Variants in SNX8 observed in about 807,000 individuals in gnomAD.
The protein encoded by SNX8 is sorting nexin-8.
In SNX8, 25 loss-of-function variants were observed where a neutral mutation model predicts 51.6. The ratio of observed to expected loss-of-function variants is 0.48; its 90% CI spans 0.35 to 0.68. SNX8 has a LOEUF of 0.68. SNX8 is among the 30% of genes least tolerant of loss of function. The pLI, the probability that SNX8 is intolerant of heterozygous loss-of-function variation, is 0.00. For synonymous variants in SNX8, 324 were observed against 277.0 expected, an observed-to-expected ratio of 1.17 and a Z score of -1.68; for missense variants, 695 against 624.0, an observed-to-expected ratio of 1.11 and a Z score of -1.21.
chr7:2,285,832 C>T (rs1796014142), intron 1 of SNX8, among the ~76,000 whole-genome samples: 1 of 151,820 alleles, frequency 6.6e-6, no homozygotes, highest in Admixed American at 6.6e-5. Flanking sequence ...TGTGCACCAC[C>T]ATGCCCAGCT....
chr7:2,334,318 A>C (rs1043804423), intron 1 of SNX8, among the ~76,000 whole-genome samples: 62 of 151,772 alleles, frequency 4.1e-4, no homozygotes, highest in African/African-American at 1.5e-3. Context: ...CAGGAGAATC[A>C]CTTGAACCCG....
chr7:2,320,396 A>G (rs996821163), intron 1 of SNX8, among the ~76,000 whole-genome samples: 1 of 152,068 alleles, frequency 6.6e-6, no homozygotes, highest in African/African-American at 2.4e-5. Flanking sequence ...TCCTGTGAAC[A>G]TTTCCAGAGT....
intron 1 of SNX8, among the ~76,000 whole-genome samples, chr7:2,327,865 CTTTT>C (rs200030875): frequency 6.7e-6 from 1 of 150,022 alleles, no homozygotes; most frequent in Non-Finnish European, 1.5e-5. Flanking sequence ...TTCTTATTTC[CTTTT>C]TTTTTCTTTT....
At chr7:2,327,014 G>C (rs1410605309) in intron 1 of SNX8, among the ~76,000 whole-genome samples, 1 of 152,094 alleles carries the variant, frequency 6.6e-6, no homozygotes, top group African/African-American at 2.4e-5. Context: ...GAAACATATT[G>C]TCTCAGAGTG....
chr7:2,313,799 C>T (rs1456301514), intron 1 of SNX8, among the ~76,000 whole-genome samples: 2 of 152,206 alleles, frequency 1.3e-5, no homozygotes, highest in Non-Finnish European at 2.9e-5. Context: ...AGAAAAGCAG[C>T]TACACATCTA....
At chr7:2,266,836 AAAG>A (rs1326361307) in intron 5 of SNX8, among the ~76,000 whole-genome samples, 2 of 152,226 alleles carry the variant, frequency 1.3e-5, no homozygotes, top group Non-Finnish European at 2.9e-5. Flanking sequence ...AGAGGTTTAA[AAAG>A]AAAAAACCAA....
At chr7:2,300,811 T>C (rs2115183912) in intron 1 of SNX8, among the ~76,000 whole-genome samples, 1 of 152,090 alleles carries the variant, frequency 6.6e-6, no homozygotes, top group South Asian at 2.1e-4. Context: ...CCCAGCTAAT[T>C]TTTGTATTTT....
At chr7:2,333,088 A>T (rs1778768950) in intron 1 of SNX8, among the ~76,000 whole-genome samples, 1 of 148,484 alleles carries the variant, frequency 6.7e-6, no homozygotes, top group African/African-American at 2.5e-5. Context: ...TTTTAAATTT[A>T]AAAAAATAGA....
chr7:2,351,580 C>T (rs1415292110), intron 1 of SNX8, among the ~76,000 whole-genome samples: 1 of 150,622 alleles, frequency 6.6e-6, no homozygotes, highest in Non-Finnish European at 1.5e-5. Flanking sequence ...CGCCTGTAAT[C>T]CCAGCACTTC....
chr7:2,268,537 C>T (rs1198683668), intron 5 of SNX8, among the ~76,000 whole-genome samples: 471 of 143,710 alleles, frequency 3.3e-3, no homozygotes, highest in African/African-American at 0.012. Flanking sequence ...CCGTGCCATC[C>T]GGGAGGGAGG....
intron 1 of SNX8, among the ~76,000 whole-genome samples, chr7:2,307,202 T>C (rs1463885116): frequency 6.6e-6 from 1 of 151,908 alleles, no homozygotes; most frequent in East Asian, 1.9e-4. Context: ...CCCTACCTGA[T>C]ATTTTAATGC....
intron 1 of SNX8, among the ~76,000 whole-genome samples, chr7:2,312,465 T>C (rs1350057784): frequency 1.3e-5 from 2 of 152,152 alleles, no homozygotes; most frequent in African/African-American, 2.4e-5. Flanking sequence ...CTCCAACATG[T>C]GACTTCATGG....
chr7:2,350,912 G>T (rs1779123975), intron 1 of SNX8, among the ~76,000 whole-genome samples: 2 of 152,260 alleles, frequency 1.3e-5, no homozygotes, highest in South Asian at 4.2e-4. Context: ...CTCCCAAAGT[G>T]CTGGGATTAC....
intron 1 of SNX8, among the ~76,000 whole-genome samples, chr7:2,290,377 G>A (rs978383827): frequency 6.6e-6 from 1 of 151,906 alleles, no homozygotes; most frequent in Non-Finnish European, 1.5e-5. Flanking sequence ...GGTGATGCAT[G>A]CCTGTAATTC....
chr7:2,330,655 C>T (rs1292498481), intron 1 of SNX8, among the ~76,000 whole-genome samples: 2 of 152,070 alleles, frequency 1.3e-5, no homozygotes, highest in Non-Finnish European at 2.9e-5. Flanking sequence ...CCAGCTCTAT[C>T]TCCAGGCAGA....
chr7:2,264,566 C>T (rs1795420999), intron 5 of SNX8, 108 bp from the exon 6 acceptor site: 2 of 1,032,180 alleles, frequency 1.9e-6, no homozygotes, highest in South Asian at 1.6e-5. Context: ...ACAGCAGGTC[C>T]ATGAGCCACC....
Position 2,256,881 on chromosome 7 carries a change from T to G in SNX8, c.1277A>C (p.His426Pro). The G allele has an allele frequency of 6.2e-7, 1 of 1,612,148 alleles. No homozygotes were observed. Among genetic ancestry groups the G allele is most frequent in the Non-Finnish European group, 8.5e-7 (1 of 1,179,108 alleles). The part of the protein sequence containing the change: ...RAFVNSQIQG[H>P]KEMSKVWNDL... Reference sequence around the variant, plus strand: ...GGAGCAGGGCGGACTCACCTCCTTGTGCCCTTGGATCTGAGAGTTGACGAA... The same window carrying G: ...GGAGCAGGGCGGACTCACCTCCTTGGGCCCTTGGATCTGAGAGTTGACGAA... Residue 426 changes from histidine (H) to proline (P), a missense_variant, in exon 10 of 11, where the codon CAC (histidine) becomes CCC (proline). Physicochemically the swap from His to Pro is moderately conservative, Grantham distance 77. Coordinates refer to ENST00000222990, the MANE Select transcript of SNX8 (RefSeq NM_013321.4).
intron 1 of SNX8, among the ~76,000 whole-genome samples, chr7:2,336,435 G>A (rs571395610): frequency 9.3e-5 from 14 of 150,260 alleles, no homozygotes; most frequent in Non-Finnish European, 1.6e-4. Flanking sequence ...AATGCTGGGC[G>A]TGGTGGCTCA....
chr7:2,297,919 C>T (rs1796307976), intron 1 of SNX8, among the ~76,000 whole-genome samples: 1 of 151,858 alleles, frequency 6.6e-6, no homozygotes, highest in Non-Finnish European at 1.5e-5. Flanking sequence ...TGAAAAATTA[C>T]CTACTGTGTA....
Sources: allele counts gnomAD v4.1 joint callset (sites outside exome capture counted in the v4.1 genomes callset), GRCh38; gene constraint gnomAD v4.1.1; transcripts MANE v1.5; gene names NCBI Gene and HGNC (gene_info 2026-07-23, HGNC 2026-07-21).